Variants in DMRT1 observed in about 807,000 individuals in gnomAD.
DMRT1 encodes the protein doublesex- and mab-3-related transcription factor 1.
A neutral mutation model predicts 32.3 loss-of-function variants in DMRT1; 7 were observed. The ratio of observed to expected loss-of-function variants is 0.22; its 90% CI spans 0.12 to 0.41. The LOEUF (loss-of-function observed/expected upper bound fraction) is 0.41, where lower values mean the gene tolerates loss of function less well. DMRT1 is among the 10% of genes least tolerant of loss of function. The probability of loss-of-function intolerance (pLI) is 1.00; values close to 1 mark genes in which losing one functional copy is unlikely to be tolerated. For missense variants in DMRT1, 625 were observed against 500.5 expected (o/e 1.25, Z -2.37); for synonymous variants, 278 against 206.1 (o/e 1.35, Z -2.99).
intron 4 of DMRT1, among the ~76,000 whole-genome samples, chr9:930,419 T>C (rs1197596123): frequency 5.3e-5 from 8 of 151,586 alleles, no homozygotes. Flanking sequence ...TAAAAAAATT[T>C]TTTTTTTTTT....
intron 2 of DMRT1, among the ~76,000 whole-genome samples, chr9:883,580 C>T (rs1278005226): frequency 6.6e-6 from 1 of 151,454 alleles, no homozygotes; most frequent in Non-Finnish European, 1.5e-5. Context: ...TCACTGGAGA[C>T]CAGAATTTGA....
chr9:887,744 A>G (rs975276904), intron 2 of DMRT1, among the ~76,000 whole-genome samples: 1 of 152,066 alleles, frequency 6.6e-6, no homozygotes, highest in Non-Finnish European at 1.5e-5. Context: ...ACACCTCTCT[A>G]TATAGAACCA....
chr9:868,501 C>G (rs780414719), intron 2 of DMRT1, among the ~76,000 whole-genome samples: 2 of 152,110 alleles, frequency 1.3e-5, no homozygotes, highest in Admixed American at 6.6e-5. Context: ...AGTTACCAAA[C>G]CTGGAATCAA....
chr9:949,715 C>A (rs1032244858), intron 4 of DMRT1, among the ~76,000 whole-genome samples: 1 of 152,134 alleles, frequency 6.6e-6, no homozygotes, highest in Admixed American at 6.5e-5. Context: ...AAGCACTTCC[C>A]TGTTTTCCCT....
chr9:858,869 AAATATATATAT>A lies in DMRT1; in HGVS notation c.538+11728_538+11738del, dbSNP rs1330586822. Among the ~76,000 whole-genome samples, 51 of 17,328 alleles carry A rather than the reference AAATATATATAT, an allele frequency of 2.9e-3. No homozygotes were observed. In the South Asian group the frequency reaches 0.048, roughly 16 times the overall value. 11.4% of individuals were successfully genotyped at this position (17,328 alleles called of 152,430 possible). ...AGTCTGTCTCAAAAAAAAAAAAAAA[AAATATATATAT>A]ATATATATATATATTTATCATTGTA... On this transcript the variant is annotated intron_variant, in intron 2 of 4. Transcript: ENST00000382276.
At chr9:849,791 C>A (rs138434721) in intron 2 of DMRT1, among the ~76,000 whole-genome samples, 2 of 15,298 alleles carry the variant, frequency 1.3e-4, no homozygotes, top group Non-Finnish European at 5.9e-4. Flanking sequence ...GCTCCGGGAG[C>A]CTTTACCTTC....
intron 2 of DMRT1, among the ~76,000 whole-genome samples, chr9:859,102 C>T (rs550034172): frequency 6.6e-6 from 1 of 152,170 alleles, no homozygotes; most frequent in Admixed American, 6.5e-5. Flanking sequence ...TGAAAGTTCC[C>T]TGGCTTCTGA....
At chr9:879,138 C>T (rs936820798) in intron 2 of DMRT1, among the ~76,000 whole-genome samples, 2 of 152,132 alleles carry the variant, frequency 1.3e-5, no homozygotes, top group Admixed American at 6.5e-5. Flanking sequence ...TCTCTCAAAT[C>T]AGTCCCCCTA....
In DMRT1 at chr9:968,157, T is replaced by A. The variant is rs779921720; in HGVS notation, c.*18T>A. ...ACGAGTGAGCAGTGCCTGCTGCCGA[T>A]GGCGGTTCACTTGGAGTAACAGGCT... On this transcript the variant is annotated 3_prime_UTR_variant, in exon 5 of 5. Coordinates refer to ENST00000382276, the MANE Select transcript of DMRT1 (RefSeq NM_021951.3). 6.2e-7 allele frequency: 1 copy of A among 1,613,792 alleles called. No homozygotes were observed. The highest frequency in any genetic ancestry group is 1.1e-5 in the South Asian group (1 of 91,048).
In DMRT1 at chr9:897,112, TA is replaced by T. The variant is rs1177442399; in HGVS notation, c.822+2918del. On this transcript the variant is annotated intron_variant, in intron 3 of 4. Coordinates refer to ENST00000382276, the MANE Select transcript of DMRT1 (RefSeq NM_021951.3). ...ATCATATTATTATTATTATTATTATTATTATTATTATTATTTTTGAGACAGA... is the reference window on the plus strand; with the variant it reads ...ATCATATTATTATTATTATTATTATTTTATTATTATTATTTTTGAGACAGA... 4.6e-4 allele frequency among the ~76,000 whole-genome samples: 68 copies of T among 148,946 alleles called. No individual in the cohort carries two copies. In the South Asian group the frequency reaches 7.2e-3, roughly 16 times the overall value.
intron 2 of DMRT1, among the ~76,000 whole-genome samples, chr9:861,371 C>A (rs1425373059): frequency 6.6e-6 from 1 of 152,124 alleles, no homozygotes. Context: ...TTTCAGAGAG[C>A]ACGGGGTTGG....
intron 2 of DMRT1, among the ~76,000 whole-genome samples, chr9:884,595 A>T (rs10124370): frequency 0.75 from 113,778 of 152,056 alleles, 42,853 homozygotes; most frequent in African/African-American, 0.82. Context: ...TGAGTTCCTG[A>T]TGCTTTTCTG....
chr9:859,748 C>T lies in DMRT1; in HGVS notation c.538+12605C>T, dbSNP rs144606310. 2.4e-3 allele frequency among the ~76,000 whole-genome samples: 364 copies of T among 152,106 alleles called. 5 individuals are homozygous for T. The Middle Eastern group carries it at 0.031, about 13-fold the overall frequency. ...TGTACAATACCACTGAACATGCTTT[C>T]CAGAAAAAAATGTGTAAGAAACTCT... On this transcript the variant is annotated intron_variant, in intron 2 of 4. Transcript: ENST00000382276.
At chr9:854,403 C>A (rs572519873) in intron 2 of DMRT1, among the ~76,000 whole-genome samples, 114 of 152,266 alleles carry the variant, frequency 7.5e-4, no homozygotes, top group Non-Finnish European at 1.2e-3. Flanking sequence ...CGTGCCTCAG[C>A]CTCCTGAGTA....
At chr9:885,524 C>T (rs1816892945) in intron 2 of DMRT1, among the ~76,000 whole-genome samples, 1 of 152,166 alleles carries the variant, frequency 6.6e-6, no homozygotes, top group Non-Finnish European at 1.5e-5. Context: ...TGGCCTAGGC[C>T]CATCAATGAC....
rs549511532 is a variant in DMRT1, at chr9:929,522, A to C, written c.967+12615A>C. 7.9e-5 allele frequency among the ~76,000 whole-genome samples: 12 copies of C among 152,226 alleles called. No individual in the cohort carries two copies. The East Asian group carries it at 2.3e-3, about 29-fold the overall frequency. Reference sequence around the variant, plus strand: ...GTTTCTGGATTGTAGTTTATCCTTGAACATATTAACATATTATTTCTCCTT... The same window carrying C: ...GTTTCTGGATTGTAGTTTATCCTTGCACATATTAACATATTATTTCTCCTT... On this transcript the variant is annotated intron_variant, in intron 4 of 4. Coordinates refer to ENST00000382276, the MANE Select transcript of DMRT1 (RefSeq NM_021951.3).
rs1838688037 is a variant in DMRT1 at position 841,754 on chromosome 9, C to A, written c.-85C>A. On this transcript the variant is annotated 5_prime_UTR_variant, in exon 1 of 5. Transcript: ENST00000382276. ...GTCTCCTGCGCCTCCTCCTCCGGAG[C>A]GTCGCTGTCCGTCGGGTTCATCCCT... is the stretch of plus-strand genomic sequence containing the variant. 6.5e-7 allele frequency: 1 copy of A among 1,549,056 alleles called. No individual in the cohort carries two copies. Among genetic ancestry groups the A allele is most frequent in the Non-Finnish European group, 8.7e-7 (1 of 1,147,504 alleles).
At chr9:860,660 T>C (rs1425379480) in intron 2 of DMRT1, among the ~76,000 whole-genome samples, 2 of 152,090 alleles carry the variant, frequency 1.3e-5, no homozygotes, top group African/African-American at 4.8e-5. Flanking sequence ...TTGCAGTAAG[T>C]GGTAAGTGCT....
chr9:904,506 A>T (rs1399771964), intron 3 of DMRT1, among the ~76,000 whole-genome samples: 1 of 152,238 alleles, frequency 6.6e-6, no homozygotes, highest in Non-Finnish European at 1.5e-5. Flanking sequence ...TTGCCAAAAA[A>T]TATCCACTGT....
Sources: allele counts gnomAD v4.1 joint callset (sites outside exome capture counted in the v4.1 genomes callset), GRCh38; gene constraint gnomAD v4.1.1; transcripts MANE v1.5; gene names NCBI Gene and HGNC (gene_info 2026-07-23, HGNC 2026-07-21).